The following SPTLC2 variants were observed in gnomAD, a reference collection of about 807,000 sequenced individuals.
The protein encoded by SPTLC2 is serine palmitoyltransferase 2.
A neutral mutation model predicts 62.0 loss-of-function variants in SPTLC2; 21 were observed. The observed-to-expected ratio is 0.34, with a 90% CI of 0.24 to 0.49. The LOEUF (loss-of-function observed/expected upper bound fraction) is 0.49. SPTLC2 is among the 20% of genes least tolerant of loss of function. SPTLC2 has a pLI of 0.99. For missense variants in SPTLC2, 511 were observed against 713.0 expected, an observed-to-expected ratio of 0.72 and a Z score of 3.23; for synonymous variants, 261 against 261.8, an observed-to-expected ratio of 1.00 and a Z score of 0.03.
intron 9 of SPTLC2, among the ~76,000 whole-genome samples, chr14:77,528,336 A>G (rs2139999039): frequency 6.6e-6 from 1 of 152,116 alleles, no homozygotes; most frequent in African/African-American, 2.4e-5. Flanking sequence ...GGTTCAGGCA[A>G]TTCTCCTGAC....
intron 1 of SPTLC2, among the ~76,000 whole-genome samples, chr14:77,611,625 A>C (rs2079938263): frequency 2.0e-5 from 3 of 152,086 alleles, no homozygotes; most frequent in Admixed American, 2.0e-4. Flanking sequence ...CAGGAGTTCG[A>C]GACCAGCCTG....
At chr14:77,544,684 C>T (rs747640712) in intron 9 of SPTLC2, among the ~76,000 whole-genome samples, 2 of 152,222 alleles carry the variant, frequency 1.3e-5, no homozygotes, top group Admixed American at 6.5e-5. Flanking sequence ...CTGACAAAGA[C>T]TCTCTCCTTT....
intron 9 of SPTLC2, among the ~76,000 whole-genome samples, chr14:77,537,541 T>C (rs74912639): frequency 0.022 from 3,400 of 152,302 alleles, 104 homozygotes; most frequent in African/African-American, 0.077. Flanking sequence ...GAAAACACGT[T>C]ATGTATTCGA....
At chr14:77,604,539 G>C (rs13379058) in intron 1 of SPTLC2, among the ~76,000 whole-genome samples, 35,479 of 151,904 alleles carry the variant, frequency 0.23, 4,416 homozygotes, top group East Asian at 0.31. Context: ...TGTTAGCAGA[G>C]CCTGTAAACT....
chr14:77,614,553 A>G lies in SPTLC2; in HGVS notation c.132+1895T>C, dbSNP rs572826439. ...GTGGCGGGTGCCTGTAGGCCCAGCT[A>G]CTTGGGAGGCTGAGGCAGGAGAATG... On this transcript the variant is annotated intron_variant, in intron 1 of 11. Coordinates refer to ENST00000216484, the MANE Select transcript of SPTLC2 (RefSeq NM_004863.4). Among the ~76,000 whole-genome samples, 13 of 152,204 alleles carry G rather than the reference A, an allele frequency of 8.5e-5. No individual in the cohort carries two copies. In the South Asian group the frequency reaches 2.7e-3, roughly 32 times the overall value.
At chr14:77,574,849 G>A (rs897375951) in intron 4 of SPTLC2, among the ~76,000 whole-genome samples, 1 of 152,188 alleles carries the variant, frequency 6.6e-6, no homozygotes, top group Non-Finnish European at 1.5e-5. Flanking sequence ...AGGGGGAAGG[G>A]AAACAGTATC....
chr14:77,613,567 A>T (rs765472783), intron 1 of SPTLC2, among the ~76,000 whole-genome samples: 5 of 152,216 alleles, frequency 3.3e-5, no homozygotes, highest in Non-Finnish European at 7.3e-5. Flanking sequence ...TTCTTTTACT[A>T]TACACATTCA....
At chr14:77,610,296 C>G (rs1419701514) in intron 1 of SPTLC2, among the ~76,000 whole-genome samples, 2 of 152,128 alleles carry the variant, frequency 1.3e-5, no homozygotes, top group Non-Finnish European at 2.9e-5. Flanking sequence ...CACACACCAC[C>G]ACACCCGGCT....
rs1269837007 is a variant in SPTLC2, at chr14:77,507,207, T to C, written c.*5077A>G. The stretch of plus-strand genomic sequence containing the variant: ...AATGACAAAAGGAACAACAGTATTT[T>C]CTATACATTAAAAGCAAAGGGATCA... On this transcript the variant is annotated 3_prime_UTR_variant, in exon 12 of 12. Coordinates refer to ENST00000216484, the MANE Select transcript of SPTLC2 (RefSeq NM_004863.4). The C allele has an allele frequency of 6.6e-6, 1 of 152,216 alleles. No individual in the cohort carries two copies. The highest frequency in any genetic ancestry group is 1.5e-5 in the Non-Finnish European group (1 of 68,046). 9.4% of individuals were successfully genotyped at this position (152,216 alleles called of 1,614,324 possible).
intron 9 of SPTLC2, among the ~76,000 whole-genome samples, chr14:77,548,468 T>G (rs771444842): frequency 6.6e-6 from 1 of 152,388 alleles, no homozygotes; most frequent in East Asian, 1.9e-4. Flanking sequence ...TTGATTCGTA[T>G]GTAGATACTA....
chr14:77,583,130 G>T (rs2079761332), intron 2 of SPTLC2, among the ~76,000 whole-genome samples: 1 of 151,886 alleles, frequency 6.6e-6, no homozygotes, highest in Non-Finnish European at 1.5e-5. Context: ...AGCTCAGAAG[G>T]TTGGGGCTGT....
chr14:77,573,561 G>A (rs2079696403), intron 4 of SPTLC2, among the ~76,000 whole-genome samples: 2 of 152,110 alleles, frequency 1.3e-5, no homozygotes, highest in Non-Finnish European at 2.9e-5. Context: ...GGATGCTAAT[G>A]TCTTTATAGA....
chr14:77,605,996 T>G (rs2079902840), intron 1 of SPTLC2, among the ~76,000 whole-genome samples: 1 of 152,200 alleles, frequency 6.6e-6, no homozygotes, highest in African/African-American at 2.4e-5. Flanking sequence ...AACATTAACT[T>G]TAGACTCTAA....
chr14:77,590,421 G>A (rs2079809453), intron 2 of SPTLC2, among the ~76,000 whole-genome samples: 2 of 152,132 alleles, frequency 1.3e-5, no homozygotes, highest in South Asian at 4.1e-4. Context: ...AAAATACAAA[G>A]TTTGCTAGTC....
At chr14:77,575,667 G>C (rs1380474845) in intron 4 of SPTLC2, among the ~76,000 whole-genome samples, 1 of 152,188 alleles carries the variant, frequency 6.6e-6, no homozygotes, top group East Asian at 1.9e-4. Flanking sequence ...GAATGGCTAG[G>C]ATCACAAGCA....
chr14:77,592,889 G>A (rs1271303584), intron 2 of SPTLC2, among the ~76,000 whole-genome samples: 1 of 152,094 alleles, frequency 6.6e-6, no homozygotes, highest in African/African-American at 2.4e-5. Context: ...GCAGGCTGAG[G>A]TCAGGAGTTT....
At chr14:77,597,725 G>C (rs1455101540) in intron 1 of SPTLC2, among the ~76,000 whole-genome samples, 1 of 148,240 alleles carries the variant, frequency 6.7e-6, no homozygotes, top group African/African-American at 2.5e-5. Flanking sequence ...AGTAAGCCAA[G>C]ATCACGCCAC....
intron 9 of SPTLC2, among the ~76,000 whole-genome samples, chr14:77,551,488 C>G (rs2079555575): frequency 6.6e-6 from 1 of 152,114 alleles, no homozygotes; most frequent in South Asian, 2.1e-4. Flanking sequence ...CCAGTTGCTC[C>G]CCTTTTAGTA....
At chr14:77,606,323 C>A (rs2079904934) in intron 1 of SPTLC2, among the ~76,000 whole-genome samples, 1 of 151,856 alleles carries the variant, frequency 6.6e-6, no homozygotes, top group African/African-American at 2.4e-5. Context: ...CAGAGCGAGA[C>A]TCTGTCTCAA....
Sources: gnomAD v4.1 joint callset for allele counts (sites outside exome capture counted in the v4.1 genomes callset) on GRCh38, gnomAD v4.1.1 for gene constraint, MANE v1.5 for transcripts, NCBI Gene and HGNC (gene_info 2026-07-23, HGNC 2026-07-21) for gene names.